The following SLC22A23 variants were observed in gnomAD, a reference collection of about 807,000 sequenced individuals.
SLC22A23 encodes ion transporter protein.
A neutral mutation model predicts 61.0 loss-of-function variants in SLC22A23; 26 were observed. The ratio of observed to expected loss-of-function variants is 0.43; its 90% confidence interval spans 0.31 to 0.59. The LOEUF (loss-of-function observed/expected upper bound fraction) is 0.59. SLC22A23 is among the 20% of genes least tolerant of loss of function. SLC22A23 has a pLI of 0.11. For synonymous variants in SLC22A23, 430 were observed against 413.9 expected (o/e 1.04, Z -0.47); for missense variants, 796 against 934.7 (o/e 0.85, Z 1.94).
chr6:3,449,543 G>A (rs932228929), intron 1 of SLC22A23, among the ~76,000 whole-genome samples: 1 of 152,168 alleles, frequency 6.6e-6, no homozygotes, highest in African/African-American at 2.4e-5. Flanking sequence ...CAGGAAATAT[G>A]GATGGCTCAA....
In SLC22A23 at chr6:3,405,618, A is replaced by AAT. The variant is rs1554152753; in HGVS notation, c.913+4569_913+4570insAT. ...CTGTGGAGCCATTTGGCTCAGTCAAATTTTTTTTTTTTTTTTTTACATATA... is the reference window on the plus strand; with the variant it reads ...CTGTGGAGCCATTTGGCTCAGTCAAAATTTTTTTTTTTTTTTTTTTACATATA... On this transcript the variant is annotated intron_variant, in intron 3 of 9. Coordinates refer to ENST00000406686, the MANE Select transcript of SLC22A23 (RefSeq NM_015482.2). 1.9e-3 allele frequency among the ~76,000 whole-genome samples: 273 copies of AAT among 144,368 alleles called. 4 individuals are homozygous for AAT. Among genetic ancestry groups the AAT allele is most frequent in the African/African-American group, 6.5e-3 (253 of 38,980 alleles). The allele number at this position is 144,368 out of a possible 152,430, so 94.7% of individuals were successfully genotyped here.
In SLC22A23 at chr6:3,342,665, C is replaced by A. The variant is rs142277746; in HGVS notation, c.914-18663G>T. ...AGGAGCTTTTGCCGTCAAATGTCAG[C>A]AAAATTGCTGGGATTTCTCATCTGC... On this transcript the variant is annotated intron_variant, in intron 3 of 9. Transcript: ENST00000406686. This position sits in a 1 kb window ranked among gnomAD's most constrained non-coding sequence, Gnocchi z 4.0. Among the ~76,000 whole-genome samples, 494 of 152,274 alleles carry A rather than the reference C, an allele frequency of 3.2e-3. 4 individuals carry two copies. The highest frequency in any genetic ancestry group is 0.012 in the African/African-American group (481 of 41,550).
At chr6:3,379,951 G>A (rs1181830031) in intron 3 of SLC22A23, among the ~76,000 whole-genome samples, 1 of 152,088 alleles carries the variant, frequency 6.6e-6, no homozygotes, top group Non-Finnish European at 1.5e-5. Context: ...AGAAAGGAGT[G>A]TGGATGCGTG....
At chr6:3,412,720 G>A (rs1203836199) in intron 2 of SLC22A23, among the ~76,000 whole-genome samples, 1 of 152,232 alleles carries the variant, frequency 6.6e-6, no homozygotes, top group African/African-American at 2.4e-5. Context: ...AGGACCCTGA[G>A]ATGAGGTGAC....
At position 3,387,495 on chromosome 6, in the gene SLC22A23, T is replaced by G. The variant is rs1393715763; in HGVS notation, c.913+22693A>C. Among the ~76,000 whole-genome samples the G allele has an allele frequency of 6.6e-6, 1 of 151,944 alleles. No individual in the cohort carries two copies. The highest frequency in any genetic ancestry group is 1.5e-5 in the Non-Finnish European group (1 of 67,956). ...GGAGACACAGCTACATTTAATAGAG[T>G]GTTCTGGAACAGAAAAAGGACAGTA... On this transcript the variant is annotated intron_variant, in intron 3 of 9. Transcript: ENST00000406686. The surrounding 1 kb of genome is among the most constrained non-coding windows in gnomAD (Gnocchi z 5.0).
intron 1 of SLC22A23, among the ~76,000 whole-genome samples, chr6:3,433,183 C>T (rs900358034): frequency 2.0e-5 from 3 of 152,232 alleles, no homozygotes; most frequent in Admixed American, 6.5e-5. Flanking sequence ...GCCACTCTCA[C>T]ATGCTGCACG....
At chr6:3,394,859 G>C (rs1337236634) in intron 3 of SLC22A23, among the ~76,000 whole-genome samples, 1 of 152,210 alleles carries the variant, frequency 6.6e-6, no homozygotes, top group Non-Finnish European at 1.5e-5. Context: ...CTAAGACTCG[G>C]GGAAGGGACT....
Position 3,433,456 on chromosome 6 carries a change from C to T in SLC22A23, c.655-17601G>A, listed in dbSNP as rs116434571. 3.0e-3 allele frequency among the ~76,000 whole-genome samples: 431 copies of T among 144,830 alleles called. 3 individuals carry two copies. Among genetic ancestry groups the T allele is most frequent in the African/African-American group, 0.01 (412 of 41,138 alleles). The stretch of plus-strand genomic sequence containing the variant: ...TCCTCCCATCACTCCTGCTTCCTAC[C>T]CCAAAAATTTTGAAAAGAAAAAGAG... On this transcript the variant is annotated intron_variant, in intron 1 of 9. Transcript: ENST00000406686.
rs1361575707 is a variant in SLC22A23 at position 3,273,296 on chromosome 6, C to T, written c.1820G>A (p.Cys607Tyr). ...GATGCAGATGATGCAGATGAGCGTG[C>T]AGCAGGCAAAGATGATGTGGTGCAG... The part of the protein sequence containing the change: ...YFLHHIIFAC[C>Y]TLICIICILL... The change falls in exon 10 of 10, where the codon TGC becomes TAC. Residue 607 changes from cysteine to tyrosine, a missense_variant. Coordinates refer to ENST00000406686, the MANE Select transcript of SLC22A23 (RefSeq NM_015482.2). The T allele has an allele frequency of 1.9e-6, 3 of 1,614,010 alleles. No homozygotes were observed. Among genetic ancestry groups the T allele is most frequent in the East Asian group, 2.2e-5 (1 of 44,884 alleles).
chr6:3,435,286 T>C (rs1470967866), intron 1 of SLC22A23, among the ~76,000 whole-genome samples: 1 of 150,136 alleles, frequency 6.7e-6, no homozygotes, highest in Non-Finnish European at 1.5e-5. Context: ...CTTCCTCCCC[T>C]CCCTTCCCTC....
At chr6:3,429,655 G>C (rs966607730) in intron 1 of SLC22A23, among the ~76,000 whole-genome samples, 1 of 152,222 alleles carries the variant, frequency 6.6e-6, no homozygotes, top group African/African-American at 2.4e-5. Context: ...AGAAACTCAA[G>C]TGTTCACTGA....
chr6:3,319,805 G>C (rs536792199), intron 4 of SLC22A23, among the ~76,000 whole-genome samples: 14 of 152,334 alleles, frequency 9.2e-5, no homozygotes, highest in African/African-American at 2.9e-4. Flanking sequence ...TTTGGACCCT[G>C]AGGGGTCCAA....
intron 2 of SLC22A23, among the ~76,000 whole-genome samples, chr6:3,413,596 G>A (rs1266039866): frequency 1.3e-5 from 2 of 152,218 alleles, no homozygotes; most frequent in Non-Finnish European, 2.9e-5. Flanking sequence ...AACATCCCCA[G>A]ACAAAACTTG....
chr6:3,290,036 A>T, intron 5 of SLC22A23, 170 bp from the exon 6 acceptor site: 1 of 651,700 alleles, frequency 1.5e-6, no homozygotes, highest in Admixed American at 2.6e-5. Context: ...CCAGGATAGA[A>T]AGGCACTCAT....
intron 4 of SLC22A23, among the ~76,000 whole-genome samples, chr6:3,303,761 A>G (rs1225706449): frequency 6.6e-6 from 1 of 152,222 alleles, no homozygotes; most frequent in East Asian, 1.9e-4. Flanking sequence ...AAGAGATAGG[A>G]GGAATATGTT....
chr6:3,447,487 C>T (rs1004913690), intron 1 of SLC22A23, among the ~76,000 whole-genome samples: 1 of 152,048 alleles, frequency 6.6e-6, no homozygotes, highest in African/African-American at 2.4e-5. Flanking sequence ...GAGCTGTCTA[C>T]TTTCACATAT....
Position 3,414,523 on chromosome 6 carries a change from A to G in SLC22A23, c.758+1229T>C, listed in dbSNP as rs1366341180. The stretch of plus-strand genomic sequence containing the variant: ...AGGAAATCACATTACATGTCAGCTC[A>G]AGGAACTCCCAAATACACGCTGGGT... On this transcript the variant is annotated intron_variant, in intron 2 of 9. Transcript: ENST00000406686. This position sits in a 1 kb window ranked among gnomAD's most constrained non-coding sequence, Gnocchi z 5.1. Among the ~76,000 whole-genome samples the G allele has an allele frequency of 6.6e-6, 1 of 152,064 alleles. No homozygotes were observed. The highest frequency in any genetic ancestry group is 1.5e-5 in the Non-Finnish European group (1 of 67,992).
chr6:3,294,437 C>T (rs974136544), intron 5 of SLC22A23, among the ~76,000 whole-genome samples: 8 of 152,184 alleles, frequency 5.3e-5, no homozygotes, highest in African/African-American at 1.7e-4. Flanking sequence ...ATTTGGAAAG[C>T]TCAACCAGTA....
intron 3 of SLC22A23, among the ~76,000 whole-genome samples, chr6:3,352,531 C>G (rs1171050644): frequency 6.6e-6 from 1 of 152,112 alleles, no homozygotes; most frequent in East Asian, 1.9e-4. Flanking sequence ...AGAAAGAGAG[C>G]AGGTGAGCAC....
Sources: allele counts gnomAD v4.1 joint callset (sites outside exome capture counted in the v4.1 genomes callset), GRCh38; gene constraint gnomAD v4.1.1; non-coding constraint Gnocchi (gnomAD v3.1); transcripts MANE v1.5; gene names NCBI Gene and HGNC (gene_info 2026-07-23, HGNC 2026-07-21).